Variants in SCN2A observed in about 807,000 individuals in gnomAD.
SCN2A encodes the protein sodium voltage-gated channel alpha subunit 2.
A neutral mutation model predicts 188.7 loss-of-function variants in SCN2A; 20 were observed. The ratio of observed to expected loss-of-function variants is 0.11; its 90% CI spans 0.07 to 0.15. The LOEUF (loss-of-function observed/expected upper bound fraction) is 0.15, where lower values mean the gene tolerates loss of function less well. Ranked by LOEUF, SCN2A falls within the 10% of genes least tolerant of loss-of-function variation. The pLI is 1.00. For missense variants in SCN2A, 1,278 were observed against 2,445.0 expected, an observed-to-expected ratio of 0.52 and a Z score of 10.07; for synonymous variants, 804 against 833.1, an observed-to-expected ratio of 0.97 and a Z score of 0.60.
Position 165,354,596 on chromosome 2 carries a change from T to A in SCN2A, c.3324T>A (p.Ala1108=). ...NPSLTVTVPI[A]VGESDFENLN... is the part of the protein sequence containing the mutation. ...GCCTCACTGTGACAGTACCAATTGC[T>A]GTTGGAGAATCTGACTTTGAAAATT... The change falls in exon 17 of 27, where the codon GCT becomes GCA. Residue 1108 remains alanine, a synonymous_variant. Transcript: ENST00000375437. 6.2e-7 allele frequency: 1 copy of A among 1,614,090 alleles called. No homozygotes were observed. Among genetic ancestry groups the A allele is most frequent in the Non-Finnish European group, 8.5e-7 (1 of 1,179,978 alleles).
intron 3 of SCN2A, among the ~76,000 whole-genome samples, chr2:165,302,103 G>C (rs1479340409): frequency 4.6e-5 from 7 of 152,142 alleles, no homozygotes; most frequent in Non-Finnish European, 1.0e-4. Context: ...TCATTAAATA[G>C]TGTCCATACT....
intron 1 of SCN2A, among the ~76,000 whole-genome samples, chr2:165,248,870 A>C (rs1394001595): frequency 6.6e-6 from 1 of 152,114 alleles, no homozygotes; most frequent in African/African-American, 2.4e-5. Flanking sequence ...TAAGCATACT[A>C]AGGGGCACCA....
At position 165,310,615 on chromosome 2, in the gene SCN2A, C is replaced by T. The variant is rs190639791; in HGVS notation, c.970+20C>T. ...ATAAAAGTAAGATATACTCTATAAA[C>T]CATTAAGTTGTTTAGTTCTCTAAAT... On this transcript the variant is annotated intron_variant, in intron 7 of 26. Coordinates refer to ENST00000375437, the MANE Select transcript of SCN2A (RefSeq NM_001040142.2). 2 of 1,568,946 alleles carry T rather than the reference C, an allele frequency of 1.3e-6. No individual in the cohort carries two copies. Among genetic ancestry groups the T allele is most frequent in the African/African-American group, 1.4e-5 (1 of 73,500 alleles).
intron 14 of SCN2A, among the ~76,000 whole-genome samples, chr2:165,333,279 C>T (rs1574615434): frequency 6.6e-6 from 1 of 151,724 alleles, no homozygotes; most frequent in Non-Finnish European, 1.5e-5. Flanking sequence ...GCTGGTCTTA[C>T]GTGTTAAGGA....
At chr2:165,344,431 A>T (rs1166519941) in intron 15 of SCN2A, 124 bp from the exon 16 acceptor site, 1 of 602,320 alleles carries the variant, frequency 1.7e-6, no homozygotes, top group Non-Finnish European at 2.3e-6. Flanking sequence ...ATGTACCCTA[A>T]AACTTAAAGT....
At chr2:165,355,706 C>T (rs1559385031) in intron 17 of SCN2A, among the ~76,000 whole-genome samples, 1 of 151,930 alleles carries the variant, frequency 6.6e-6, no homozygotes, top group Non-Finnish European at 1.5e-5. Flanking sequence ...ACAACATGAT[C>T]ATGATAATTA....
intron 1 of SCN2A, among the ~76,000 whole-genome samples, chr2:165,245,977 T>C (rs1157910794): frequency 6.6e-6 from 1 of 152,216 alleles, no homozygotes; most frequent in African/African-American, 2.4e-5. Flanking sequence ...TGTTGAATCC[T>C]TAGTTATATC....
chr2:165,311,857 TA>T (rs1214723091), intron 7 of SCN2A, among the ~76,000 whole-genome samples, 167 bp from the exon 8 acceptor site: 2 of 152,188 alleles, frequency 1.3e-5, no homozygotes, highest in Non-Finnish European at 2.9e-5. Flanking sequence ...AAATGTTATA[TA>T]TTGATATTTG....
intron 3 of SCN2A, among the ~76,000 whole-genome samples, chr2:165,307,362 T>A (rs1697191485): frequency 6.6e-6 from 1 of 152,120 alleles, no homozygotes; most frequent in Admixed American, 6.6e-5. Context: ...TTCAGGATTT[T>A]ATGAGCAATT....
chr2:165,370,384 A>T, intron 20 of SCN2A, 85 bp downstream of exon 20: 1 of 1,282,374 alleles, frequency 7.8e-7, no homozygotes, highest in South Asian at 1.2e-5. Context: ...GTAGGCACTC[A>T]GTAACACTGT....
intron 26 of SCN2A, among the ~76,000 whole-genome samples, chr2:165,387,545 A>C (rs1327175377): frequency 6.6e-6 from 1 of 152,188 alleles, no homozygotes; most frequent in African/African-American, 2.4e-5. Context: ...GGAAGCAGAT[A>C]GTTTGTTTGA....
At chr2:165,280,944 G>A (rs892626887) in intron 1 of SCN2A, among the ~76,000 whole-genome samples, 14 of 152,122 alleles carry the variant, frequency 9.2e-5, no homozygotes, top group African/African-American at 1.9e-4. Context: ...ATACTAGGCC[G>A]GGCATGTTGG....
At chr2:165,265,235 G>GT (rs936977430) in intron 1 of SCN2A, among the ~76,000 whole-genome samples, 2 of 151,410 alleles carry the variant, frequency 1.3e-5, no homozygotes, top group Non-Finnish European at 2.9e-5. Flanking sequence ...GTGATGTAGA[G>GT]TTTTTTTATA....
intron 23 of SCN2A, among the ~76,000 whole-genome samples, chr2:165,379,045 A>G (rs989953481): frequency 6.6e-6 from 1 of 151,878 alleles, no homozygotes; most frequent in African/African-American, 2.4e-5. Context: ...ACAGTTGGGT[A>G]TGATCACATT....
chr2:165,315,542 G>A lies in SCN2A; in HGVS notation c.1455G>A (p.Glu485=), dbSNP rs774627938. The A allele has an allele frequency of 6.2e-7, 1 of 1,613,944 alleles. No homozygotes were observed. Among genetic ancestry groups the A allele is most frequent in the South Asian group, 1.1e-5 (1 of 91,074 alleles). ...SGAGGIGVFS[E]SSSVASKLSS... ...CTGGTGGGATAGGAGTTTTTTCAGAGAGTTCTTCAGTAGCATCTAAGTTGA... is the reference window on the plus strand; with the variant it reads ...CTGGTGGGATAGGAGTTTTTTCAGAAAGTTCTTCAGTAGCATCTAAGTTGA... The change falls in exon 11 of 27, where the codon GAG becomes GAA. Residue 485 remains glutamate, a synonymous_variant. Transcript: ENST00000375437.
intron 13 of SCN2A, 91 bp from the exon 14 acceptor site, chr2:165,331,239 T>G: frequency 9.7e-7 from 1 of 1,027,436 alleles, no homozygotes; most frequent in Non-Finnish European, 1.5e-6. Flanking sequence ...TTTAACAACT[T>G]TAGATTTTTT....
intron 14 of SCN2A, among the ~76,000 whole-genome samples, chr2:165,340,498 T>A (rs1236292857): frequency 2.0e-5 from 3 of 152,186 alleles, no homozygotes; most frequent in Admixed American, 1.3e-4. Flanking sequence ...GTAAGATGAA[T>A]TTTGGACCTG....
intron 3 of SCN2A, among the ~76,000 whole-genome samples, chr2:165,306,577 G>A (rs1379916861): frequency 2.0e-5 from 3 of 150,622 alleles, no homozygotes; most frequent in East Asian, 2.0e-4. Flanking sequence ...GTGCCCTCAC[G>A]TGGCTGATGC....
At chr2:165,336,223 A>G (rs4303727) in intron 14 of SCN2A, among the ~76,000 whole-genome samples, 20,903 of 151,914 alleles carry the variant, frequency 0.14, 1,490 homozygotes, top group Non-Finnish European at 0.15. Context: ...GAGTTACCAC[A>G]TGACCTGGCA....
Sources: gnomAD v4.1 joint callset for allele counts (sites outside exome capture counted in the v4.1 genomes callset) on GRCh38, gnomAD v4.1.1 for gene constraint, MANE v1.5 for transcripts, NCBI Gene and HGNC (gene_info 2026-07-23, HGNC 2026-07-21) for gene names.